Variants in DTNB observed in about 807,000 individuals in gnomAD.
DTNB encodes DTN-B.
DTNB carries 63 observed loss-of-function variants against 90.7 expected under a neutral mutation model. That is an observed-to-expected ratio of 0.69 (90% CI 0.57 to 0.86). DTNB has a LOEUF of 0.86. Ranked by LOEUF, DTNB falls within the 40% of genes least tolerant of loss-of-function variation. The pLI is 0.00. For synonymous variants in DTNB, 277 were observed against 286.7 expected (o/e 0.97, Z 0.34); for missense variants, 744 against 807.1 (o/e 0.92, Z 0.95).
chr2:25,411,339 AGAAGAGT>A (rs895752438), intron 16 of DTNB, among the ~76,000 whole-genome samples: 1 of 152,070 alleles, frequency 6.6e-6, no homozygotes, highest in Admixed American at 6.5e-5. Context: ...AGACTAGGCA[AGAAGAGT>A]GAAACTCCGT....
At chr2:25,435,113 G>A (rs2055271267) in intron 12 of DTNB, among the ~76,000 whole-genome samples, 3 of 152,142 alleles carry the variant, frequency 2.0e-5, no homozygotes, top group South Asian at 2.1e-4. Context: ...TCTGCCTCCC[G>A]AGTTCAAGCA....
chr2:25,658,023 G>A (rs961043920), intron 1 of DTNB, among the ~76,000 whole-genome samples: 12 of 152,082 alleles, frequency 7.9e-5, no homozygotes, highest in East Asian at 5.8e-4. Flanking sequence ...TTGGGAGGCC[G>A]AGGTGGGTGG....
chr2:25,599,585 C>T (rs1038900203), intron 5 of DTNB, among the ~76,000 whole-genome samples: 17 of 151,962 alleles, frequency 1.1e-4, no homozygotes, highest in Non-Finnish European at 4.4e-5. Flanking sequence ...TCGTGATGCA[C>T]GCCTCGGCTT....
At chr2:25,413,372 C>T (rs972640289) in intron 16 of DTNB, among the ~76,000 whole-genome samples, 1 of 151,372 alleles carries the variant, frequency 6.6e-6, no homozygotes, top group Non-Finnish European at 1.5e-5. Context: ...CCCACTAACT[C>T]GTCATTTACA....
rs563841744 is a variant in DTNB, at chr2:25,478,409, T to C, written c.1079+4387A>G. Among the ~76,000 whole-genome samples, 7 of 152,258 alleles carry C rather than the reference T, an allele frequency of 4.6e-5. No individual in the cohort carries two copies. In the East Asian group the frequency reaches 1.4e-3, roughly 29 times the overall value. ...AAGGAAAATTCTGGACGTGGAAATG[T>C]GTACGGGAAGGCTTGTGTGTGTGCA... On this transcript the variant is annotated intron_variant, in intron 10 of 20. Coordinates refer to ENST00000406818, the MANE Select transcript of DTNB (RefSeq NM_021907.5).
intron 8 of DTNB, among the ~76,000 whole-genome samples, chr2:25,563,421 T>C (rs1017209393): frequency 3.3e-5 from 5 of 152,230 alleles, no homozygotes; most frequent in African/African-American, 1.2e-4. Flanking sequence ...ACTTTCTTGA[T>C]GGCACCCTTT....
intron 7 of DTNB, 27 bp downstream of exon 7, chr2:25,580,694 G>T: frequency 1.9e-6 from 3 of 1,584,252 alleles, no homozygotes; most frequent in Non-Finnish European, 2.6e-6. Flanking sequence ...ATAGCATGCG[G>T]AATTGAACAA....
chr2:25,553,234 T>C (rs187214978), intron 8 of DTNB, among the ~76,000 whole-genome samples: 2 of 152,214 alleles, frequency 1.3e-5, no homozygotes, highest in Admixed American at 6.5e-5. Flanking sequence ...AGTATGCCTA[T>C]AGTCATAGGC....
chr2:25,397,380 A>AAGAAGCCAGTCAC (rs1294485882), intron 16 of DTNB, among the ~76,000 whole-genome samples: 8 of 151,608 alleles, frequency 5.3e-5, no homozygotes, highest in Non-Finnish European at 1.0e-4. Flanking sequence ...TGCTACGTGC[A>AAGAAGCCAGTCAC]AGAAGCCAGT....
chr2:25,668,779 A>T (rs982630078), intron 1 of DTNB, among the ~76,000 whole-genome samples: 1 of 152,238 alleles, frequency 6.6e-6, no homozygotes, highest in Non-Finnish European at 1.5e-5. Flanking sequence ...GCACTTGAGT[A>T]CATACACAAA....
intron 16 of DTNB, among the ~76,000 whole-genome samples, chr2:25,417,113 T>G (rs548975549): frequency 4.9e-4 from 74 of 152,254 alleles, no homozygotes; most frequent in Non-Finnish European, 9.0e-4. Context: ...ACTTCTTACC[T>G]CATACCATGG....
intron 8 of DTNB, among the ~76,000 whole-genome samples, chr2:25,548,793 A>C (rs753936523): frequency 2.0e-5 from 3 of 152,218 alleles, no homozygotes; most frequent in Non-Finnish European, 2.9e-5. Flanking sequence ...TAGCAGAACC[A>C]TTCTGGCTGC....
At chr2:25,592,438 A>G (rs905470166) in intron 6 of DTNB, among the ~76,000 whole-genome samples, 3 of 152,160 alleles carry the variant, frequency 2.0e-5, no homozygotes, top group Admixed American at 6.5e-5. Context: ...CAGTATTCGA[A>G]GTCAGTATTT....
intron 9 of DTNB, among the ~76,000 whole-genome samples, chr2:25,529,614 G>A (rs2077776155): frequency 6.6e-6 from 1 of 151,942 alleles, no homozygotes; most frequent in South Asian, 2.1e-4. Context: ...AGAAACCGCA[G>A]GAAAAACAAC....
At chr2:25,646,344 C>T (rs1003091235) in intron 2 of DTNB, among the ~76,000 whole-genome samples, 17 of 151,940 alleles carry the variant, frequency 1.1e-4, no homozygotes, top group African/African-American at 4.1e-4. Flanking sequence ...TAGTGGCAGG[C>T]GCCTGTAATC....
intron 12 of DTNB, among the ~76,000 whole-genome samples, chr2:25,439,197 T>C (rs139219681): frequency 8.0e-4 from 122 of 152,270 alleles, no homozygotes; most frequent in African/African-American, 2.7e-3. Flanking sequence ...CCATACTAAT[T>C]CAAGATGTTA....
chr2:25,663,148 T>A (rs2083615365), intron 1 of DTNB, among the ~76,000 whole-genome samples: 1 of 151,584 alleles, frequency 6.6e-6, no homozygotes, highest in African/African-American at 2.4e-5. Flanking sequence ...CACTTATGAG[T>A]GAGAACATGC....
chr2:25,476,381 T>C (rs2063757377), intron 10 of DTNB, among the ~76,000 whole-genome samples: 1 of 152,210 alleles, frequency 6.6e-6, no homozygotes, highest in African/African-American at 2.4e-5. Flanking sequence ...ATTTTGACTT[T>C]CAAGTCTTAT....
chr2:25,494,444 T>C (rs1558756595), intron 9 of DTNB, among the ~76,000 whole-genome samples: 1 of 129,356 alleles, frequency 7.7e-6, no homozygotes, highest in African/African-American at 3.0e-5. Flanking sequence ...CAAATCTAAC[T>C]TGAAGTAGTT....
Sources: gnomAD v4.1 joint callset for allele counts (sites outside exome capture counted in the v4.1 genomes callset) on GRCh38, gnomAD v4.1.1 for gene constraint, MANE v1.5 for transcripts, NCBI Gene and HGNC (gene_info 2026-07-23, HGNC 2026-07-21) for gene names.